The following ANO4 variants were observed in gnomAD, a reference collection of about 807,000 sequenced individuals.
The protein encoded by ANO4 is anoctamin 4.
Under a neutral mutation model 141.9 loss-of-function variants are expected in ANO4, and 69 were observed. That is an observed-to-expected ratio of 0.49 (90% confidence interval 0.40 to 0.59). The LOEUF (loss-of-function observed/expected upper bound fraction) is 0.59, where lower values mean the gene tolerates loss of function less well. Among genes scored for constraint, ANO4 ranks in the 20% least tolerant of loss-of-function variants. The pLI, the probability that ANO4 is intolerant of heterozygous loss-of-function variation, is 0.00. For missense variants in ANO4, 894 were observed against 1,162.2 expected (o/e 0.77, Z 3.36); for synonymous variants, 350 against 394.3 (o/e 0.89, Z 1.33).
At chr12:101,082,420 A>T (rs1036944381) in intron 15 of ANO4, among the ~76,000 whole-genome samples, 1 of 152,192 alleles carries the variant, frequency 6.6e-6, no homozygotes, top group South Asian at 2.1e-4. Context: ...TACATCCAGG[A>T]ACACAGACCT....
chr12:101,044,526 A>G (rs2047547304), intron 13 of ANO4, among the ~76,000 whole-genome samples: 2 of 152,202 alleles, frequency 1.3e-5, no homozygotes, highest in South Asian at 4.1e-4. Context: ...GCTTGCCCAG[A>G]TTCAGATATA....
chr12:100,830,639 G>A (rs4255585), intron 1 of ANO4, among the ~76,000 whole-genome samples: 27,543 of 151,894 alleles, frequency 0.18, 2,957 homozygotes, highest in Middle Eastern at 0.3. Context: ...CATCACATGG[G>A]CCATCCAGCC....
chr12:101,086,577 A>C, intron 16 of ANO4, 83 bp from the exon 17 acceptor site: 1 of 1,514,340 alleles, frequency 6.6e-7, no homozygotes, highest in Admixed American at 1.7e-5. Flanking sequence ...TCCTTTTCCC[A>C]TCAGAGGATG....
chr12:100,886,694 G>A (rs533109299), intron 1 of ANO4, among the ~76,000 whole-genome samples: 2 of 152,168 alleles, frequency 1.3e-5, no homozygotes, highest in African/African-American at 4.8e-5. Context: ...TTAGAACTCA[G>A]TCACACTCAT....
At chr12:101,121,238 A>G (rs752767300) in intron 26 of ANO4, among the ~76,000 whole-genome samples, 3 of 151,586 alleles carry the variant, frequency 2.0e-5, no homozygotes, top group Admixed American at 6.6e-5. Flanking sequence ...TCTCCCCTCT[A>G]TAGTAGTCCC....
At chr12:101,118,782 T>C (rs1383357037) in intron 25 of ANO4, among the ~76,000 whole-genome samples, 1 of 152,056 alleles carries the variant, frequency 6.6e-6, no homozygotes, top group East Asian at 1.9e-4. Flanking sequence ...GTTTGTTACA[T>C]ATGTATACAT....
chr12:100,846,203 G>A (rs1292253904), intron 1 of ANO4, among the ~76,000 whole-genome samples: 1 of 152,184 alleles, frequency 6.6e-6, no homozygotes, highest in Non-Finnish European at 1.5e-5. Flanking sequence ...GAATGAATTA[G>A]TAGTAAGCTG....
chr12:100,770,705 T>G (rs2033262349), intron 3 of ANO4, among the ~76,000 whole-genome samples: 1 of 152,060 alleles, frequency 6.6e-6, no homozygotes, highest in African/African-American at 2.4e-5. Flanking sequence ...CTGGTAGAAT[T>G]GATGATGCAG....
At chr12:100,888,140 A>G (rs1026006035) in intron 1 of ANO4, among the ~76,000 whole-genome samples, 5 of 152,238 alleles carry the variant, frequency 3.3e-5, no homozygotes, top group African/African-American at 9.6e-5. Flanking sequence ...CTTGGGAAAT[A>G]AAAGTAAACG....
rs149199973 is a variant in ANO4, at chr12:100,930,082, T to C, written c.160+7752T>C. On this transcript the variant is annotated intron_variant, in intron 3 of 27. Coordinates refer to ENST00000392977, the MANE Select transcript of ANO4 (RefSeq NM_001286615.2). ...GCTCCATATATATTTTGGTTATTAA[T>C]CCCTTCTCAGATGGATAGTTTGCAA... 7.3e-3 allele frequency among the ~76,000 whole-genome samples: 1,105 copies of C among 152,238 alleles called. 14 individuals carry two copies. The highest frequency in any genetic ancestry group is 0.025 in the African/African-American group (1,040 of 41,550).
intron 9 of ANO4, among the ~76,000 whole-genome samples, chr12:101,029,963 C>T (rs746222051): frequency 2.1e-5 from 3 of 143,990 alleles, no homozygotes; most frequent in Non-Finnish European, 3.0e-5. Flanking sequence ...AATACAGAAG[C>T]ACCCAGATTC....
At chr12:100,817,296 G>A (rs944807761) in intron 1 of ANO4, among the ~76,000 whole-genome samples, 1 of 151,744 alleles carries the variant, frequency 6.6e-6, no homozygotes, top group Non-Finnish European at 1.5e-5. Flanking sequence ...CTTTATCTAT[G>A]GTATATTAAT....
chr12:100,989,761 GGA>G (rs1309059830), intron 8 of ANO4, among the ~76,000 whole-genome samples: 26 of 133,808 alleles, frequency 1.9e-4, no homozygotes, highest in African/African-American at 5.7e-4. Flanking sequence ...ATGGATGGAT[GGA>G]TGGATGGATG....
At chr12:100,935,663 A>G (rs947657764) in intron 3 of ANO4, among the ~76,000 whole-genome samples, 2 of 152,206 alleles carry the variant, frequency 1.3e-5, no homozygotes, top group African/African-American at 4.8e-5. Context: ...CTCTGACTGG[A>G]CAGTGAGCTC....
At chr12:101,086,499 A>G (rs1341528538) in intron 16 of ANO4, among the ~76,000 whole-genome samples, 161 bp from the exon 17 acceptor site, 3 of 152,166 alleles carry the variant, frequency 2.0e-5, no homozygotes, top group East Asian at 3.8e-4. Context: ...GGCAAGAGAA[A>G]GTATTAACCA....
At chr12:100,993,705 T>A (rs2045243409) in intron 8 of ANO4, among the ~76,000 whole-genome samples, 1 of 152,132 alleles carries the variant, frequency 6.6e-6, no homozygotes, top group African/African-American at 2.4e-5. Flanking sequence ...ATGAGTGATT[T>A]TTTAGGAAAT....
intron 8 of ANO4, among the ~76,000 whole-genome samples, chr12:101,003,903 G>A (rs1409371147): frequency 6.6e-6 from 1 of 151,992 alleles, no homozygotes; most frequent in Non-Finnish European, 1.5e-5. Flanking sequence ...TCTCTGTAGG[G>A]TAGAAATCAC....
At position 101,066,997 on chromosome 12, in the gene ANO4, C is replaced by CAAAAAAAAAA. The variant is rs34416390; in HGVS notation, c.1313-12185_1313-12176dup. The CAAAAAAAAAA allele has an allele frequency of 3.6e-4, 66 of 181,382 alleles. 2 individuals carry two copies. The highest frequency in any genetic ancestry group is 4.6e-4 in the South Asian group (6 of 13,128). 11.2% of individuals were successfully genotyped at this position (181,382 alleles called of 1,614,324 possible). A position where few individuals can be genotyped will look rare whatever the true frequency, so the allele number is the denominator to read the frequency against. On this transcript the variant is annotated intron_variant, in intron 14 of 27. Coordinates refer to ENST00000392977, the MANE Select transcript of ANO4 (RefSeq NM_001286615.2). Reference sequence around the variant, plus strand: ...ATGTACCCTAGAACTTAAAGTATAACAAAAAAAAAAAAAAAAAAAAGAAAG... The same window carrying CAAAAAAAAAA: ...ATGTACCCTAGAACTTAAAGTATAACAAAAAAAAAAAAAAAAAAAAAAAAAAAAAAGAAAG...
intron 19 of ANO4, 73 bp from the exon 20 acceptor site, chr12:101,097,578 T>C (rs1045139102): frequency 3.5e-6 from 5 of 1,428,942 alleles, no homozygotes; most frequent in Admixed American, 1.7e-5. Flanking sequence ...GAGAATGTGC[T>C]AAACTAAATG....
Sources: gnomAD v4.1 joint callset for allele counts (sites outside exome capture counted in the v4.1 genomes callset) on GRCh38, gnomAD v4.1.1 for gene constraint, MANE v1.5 for transcripts, NCBI Gene and HGNC (gene_info 2026-07-23, HGNC 2026-07-21) for gene names.